GALNTL6: variants seen among roughly 807,000 people sequenced by gnomAD.
The protein encoded by GALNTL6 is polypeptide N-acetylgalactosaminyltransferase like 6, also known as polypeptide N-acetylgalactosaminyltransferase-like 6.
GALNTL6 carries 46 observed loss-of-function variants against 73.7 expected under a neutral mutation model. That is an observed-to-expected ratio of 0.62 (90% confidence interval 0.49 to 0.80). The LOEUF is 0.80. GALNTL6 is among the 30% of genes least tolerant of loss of function. GALNTL6 has a pLI of 0.00. For missense variants in GALNTL6, 604 were observed against 755.0 expected (o/e 0.80, Z 2.34); for synonymous variants, 259 against 263.7 (o/e 0.98, Z 0.17).
chr4:172,553,911 A>G (rs1056222055), intron 5 of GALNTL6, among the ~76,000 whole-genome samples: 2 of 152,086 alleles, frequency 1.3e-5, no homozygotes, highest in South Asian at 2.1e-4. Flanking sequence ...TTAGCCAGGC[A>G]TGGTGGCATG....
intron 5 of GALNTL6, among the ~76,000 whole-genome samples, chr4:172,498,140 A>G (rs550364498): frequency 6.6e-6 from 1 of 151,794 alleles, no homozygotes; most frequent in East Asian, 1.9e-4. Context: ...ACAGGCACGC[A>G]CCACCACACC....
At chr4:171,824,775 A>G (rs772213191) in intron 2 of GALNTL6, among the ~76,000 whole-genome samples, 2 of 152,022 alleles carry the variant, frequency 1.3e-5, no homozygotes, top group South Asian at 4.1e-4. Flanking sequence ...GCCTCTTGAT[A>G]TTTTTGCATT....
intron 5 of GALNTL6, among the ~76,000 whole-genome samples, chr4:172,651,223 G>A (rs1241411573): frequency 6.6e-6 from 1 of 152,168 alleles, no homozygotes; most frequent in Non-Finnish European, 1.5e-5. Context: ...GGAGTTTACA[G>A]TGAGAAAAGA....
intron 3 of GALNTL6, among the ~76,000 whole-genome samples, chr4:172,302,882 T>A (rs192024759): frequency 1.3e-3 from 195 of 152,240 alleles, no homozygotes; most frequent in Non-Finnish European, 1.5e-3. Flanking sequence ...TGTTATATAA[T>A]CCTTGATTCA....
At chr4:172,733,898 C>T (rs1294455440) in intron 5 of GALNTL6, among the ~76,000 whole-genome samples, 1 of 152,154 alleles carries the variant, frequency 6.6e-6, no homozygotes, top group African/African-American at 2.4e-5. Context: ...GTGGAAGCGA[C>T]TTAGAAACTG....
At chr4:172,188,998 A>G (rs1013984398) in intron 2 of GALNTL6, among the ~76,000 whole-genome samples, 2 of 152,218 alleles carry the variant, frequency 1.3e-5, no homozygotes, top group Non-Finnish European at 1.5e-5. Context: ...ATACATGCAC[A>G]TATTCCAGTT....
At chr4:172,888,728 T>C (rs1745860369) in intron 8 of GALNTL6, among the ~76,000 whole-genome samples, 1 of 152,206 alleles carries the variant, frequency 6.6e-6, no homozygotes, top group Non-Finnish European at 1.5e-5. Context: ...TAGGATTGCC[T>C]TGGCTATCTG....
At chr4:171,932,944 G>C (rs1472700032) in intron 2 of GALNTL6, among the ~76,000 whole-genome samples, 8 of 152,124 alleles carry the variant, frequency 5.3e-5, no homozygotes, top group Non-Finnish European at 8.8e-5. Context: ...CTCAAAATGT[G>C]ATCTGCAGAG....
intron 8 of GALNTL6, among the ~76,000 whole-genome samples, chr4:172,919,632 C>T (rs1373463378): frequency 6.6e-6 from 1 of 152,124 alleles, no homozygotes; most frequent in Non-Finnish European, 1.5e-5. Flanking sequence ...GTTTTTAAAA[C>T]TTTGATTATA....
intron 2 of GALNTL6, among the ~76,000 whole-genome samples, chr4:171,968,444 T>C (rs1739454130): frequency 6.6e-6 from 1 of 152,190 alleles, no homozygotes; most frequent in African/African-American, 2.4e-5. Context: ...TTCCTCCATC[T>C]TCAAGTGCTT....
intron 2 of GALNTL6, among the ~76,000 whole-genome samples, chr4:171,840,865 C>T (rs1476991683): frequency 2.0e-5 from 3 of 152,104 alleles, no homozygotes; most frequent in Non-Finnish European, 4.4e-5. Context: ...CCATTCTCCC[C>T]CATTGGAAAA....
chr4:173,037,380 G>T (rs945892590), intron 12 of GALNTL6, among the ~76,000 whole-genome samples: 3 of 152,152 alleles, frequency 2.0e-5, no homozygotes, highest in African/African-American at 4.8e-5. Flanking sequence ...CAGATGAAGG[G>T]AATCCAATTT....
intron 10 of GALNTL6, among the ~76,000 whole-genome samples, chr4:172,985,289 T>C (rs1751243739): frequency 6.6e-6 from 1 of 151,974 alleles, no homozygotes; most frequent in Admixed American, 6.6e-5. Flanking sequence ...TCCTTTTAAA[T>C]TGTTTGGTGA....
At chr4:172,856,411 T>C (rs1026926441) in intron 7 of GALNTL6, among the ~76,000 whole-genome samples, 8 of 152,210 alleles carry the variant, frequency 5.3e-5, no homozygotes, top group Non-Finnish European at 8.8e-5. Context: ...AACATCTCAT[T>C]ATATGGGTAC....
chr4:172,690,082 C>T (rs781562756), intron 5 of GALNTL6, among the ~76,000 whole-genome samples: 3 of 152,050 alleles, frequency 2.0e-5, no homozygotes, highest in Admixed American at 1.3e-4. Flanking sequence ...CAGTGATTTT[C>T]TTGTCATGAA....
rs143289754 is a variant in GALNTL6, at chr4:172,635,612, C to T, written c.554-173749C>T. Reference sequence around the variant, plus strand: ...TTTCCTGTTTAGATTACTCATATGGCTCTATTATTTTTCTGCGAACTTTCT... The same window carrying T: ...TTTCCTGTTTAGATTACTCATATGGTTCTATTATTTTTCTGCGAACTTTCT... On this transcript the variant is annotated intron_variant, in intron 5 of 12. Transcript: ENST00000506823. Among the ~76,000 whole-genome samples, 47 of 152,170 alleles carry T rather than the reference C, an allele frequency of 3.1e-4. No individual in the cohort carries two copies. The East Asian group carries it at 4.8e-3, about 16-fold the overall frequency.
chr4:172,127,890 G>T (rs1285362316), intron 2 of GALNTL6, among the ~76,000 whole-genome samples: 1 of 152,162 alleles, frequency 6.6e-6, no homozygotes, highest in African/African-American at 2.4e-5. Flanking sequence ...ATAGCCTGAG[G>T]TCAGGGGTTT....
rs1357120745 is a variant in GALNTL6 at position 172,952,141 on chromosome 4, G to T, written c.1254G>T (p.Gln418His). 2 of 1,613,978 alleles carry T rather than the reference G, an allele frequency of 1.2e-6. No individual in the cohort carries two copies. Among genetic ancestry groups the T allele is most frequent in the African/African-American group, 2.7e-5 (2 of 74,912 alleles). Residue 418 changes from glutamine (Q) to histidine (H), a missense_variant, in exon 10 of 13, where the codon CAG becomes CAT. Physicochemically the swap from Gln to His is conservative, Grantham distance 24. This residue lies in a region of GALNTL6 where 261 missense variants were observed against 296.5 expected (regional missense o/e 0.88). Coordinates refer to ENST00000506823, the MANE Select transcript of GALNTL6 (RefSeq NM_001034845.3). ...RHLSTGDISA[Q>H]KELRKQLKCK... ...TCTCCACGGGGGACATCTCTGCCCA[G>T]AAGGAGCTGCGCAAGCAGCTCAAGT...
chr4:172,741,141 G>A (rs1249058973), intron 5 of GALNTL6, among the ~76,000 whole-genome samples: 2 of 152,072 alleles, frequency 1.3e-5, no homozygotes, highest in Non-Finnish European at 2.9e-5. Context: ...ATGGCTGCAA[G>A]AAGCCAATGG....
Sources: gnomAD v4.1 joint callset for allele counts (sites outside exome capture counted in the v4.1 genomes callset) on GRCh38, gnomAD v4.1.1 for gene constraint, gnomAD v4.1.1 regional missense constraint, MANE v1.5 for transcripts, NCBI Gene and HGNC (gene_info 2026-07-23, HGNC 2026-07-21) for gene names.